The following ZFHX3 variants were observed in gnomAD, a reference collection of about 807,000 sequenced individuals.
The protein encoded by ZFHX3 is zinc finger homeobox protein 3.
ZFHX3 carries 42 observed loss-of-function variants against 279.1 expected under a neutral mutation model. That is an observed-to-expected ratio of 0.15 (90% confidence interval 0.12 to 0.19). The LOEUF is 0.19. Ranked by LOEUF, ZFHX3 falls within the 10% of genes least tolerant of loss-of-function variation. The pLI is 1.00. For synonymous variants in ZFHX3, 2,293 were observed against 1,957.8 expected (o/e 1.17, Z -4.52); for missense variants, 4,981 against 4,754.0 (o/e 1.05, Z -1.40).
At position 73,614,137 on chromosome 16, in the gene ZFHX3, G is replaced by A. The variant is rs373219483; in HGVS notation, c.-1547+66043C>T. On this transcript the variant is annotated intron_variant, in intron 2 of 17. Transcript: ENST00000641206. ...GAAGCATTCTTCCTGACAAAAGAAAGGAAAAAGAATAGGTGTGAACAGAGG... is the reference window on the plus strand; with the variant it reads ...GAAGCATTCTTCCTGACAAAAGAAAAGAAAAAGAATAGGTGTGAACAGAGG... Among the ~76,000 whole-genome samples, 5 of 152,284 alleles carry A rather than the reference G, an allele frequency of 3.3e-5. No homozygotes were observed. The East Asian group carries it at 9.7e-4, about 29-fold the overall frequency.
At chr16:73,097,993 G>C (rs1473822003) in intron 7 of ZFHX3, among the ~76,000 whole-genome samples, 1 of 151,722 alleles carries the variant, frequency 6.6e-6, no homozygotes, top group East Asian at 1.9e-4. Context: ...TGGACGCTTG[G>C]GTTGTTAGTC....
At chr16:73,007,640 G>A (rs1963759230) in intron 1 of ZFHX3, among the ~76,000 whole-genome samples, 1 of 152,000 alleles carries the variant, frequency 6.6e-6, no homozygotes, top group Non-Finnish European at 1.5e-5. Context: ...TAGAGACTGG[G>A]TTTCACTATG....
chr16:73,524,114 A>G (rs1013228623), intron 2 of ZFHX3, among the ~76,000 whole-genome samples: 4 of 152,208 alleles, frequency 2.6e-5, no homozygotes, highest in African/African-American at 9.6e-5. Context: ...GGTGATTTAA[A>G]TAGAGTAATT....
intron 3 of ZFHX3, among the ~76,000 whole-genome samples, chr16:72,909,058 C>A (rs908831757): frequency 1.3e-5 from 2 of 152,180 alleles, no homozygotes; most frequent in African/African-American, 4.8e-5. Context: ...AGGGCCATTG[C>A]ATTCAACATC....
At position 73,416,245 on chromosome 16, in the gene ZFHX3, C is replaced by T. The variant is rs377411546; in HGVS notation, c.-1291+39758G>A. ...GAGCACAGACTGGGATCACTGTAGGCATTTTTATTCCTTTGCTTGTCTTCT... is the reference window on the plus strand; with the variant it reads ...GAGCACAGACTGGGATCACTGTAGGTATTTTTATTCCTTTGCTTGTCTTCT... On this transcript the variant is annotated intron_variant, in intron 3 of 17. Transcript: ENST00000641206. 2.0e-5 allele frequency among the ~76,000 whole-genome samples: 3 copies of T among 152,132 alleles called. No individual in the cohort carries two copies. The East Asian group carries it at 5.8e-4, about 29-fold the overall frequency.
intron 1 of ZFHX3, among the ~76,000 whole-genome samples, chr16:72,966,206 G>A (rs945696697): frequency 6.6e-5 from 10 of 152,104 alleles, no homozygotes; most frequent in African/African-American, 1.9e-4. Context: ...CACTTGCAGA[G>A]CACACCAGAC....
chr16:73,257,122 T>C (rs2013682147), exon 5 of ZFHX3: 1 of 152,140 alleles, frequency 6.6e-6, no homozygotes, highest in Non-Finnish European at 1.5e-5. Context: ...ACGTCTGGGT[T>C]CCCCAAATCA....
rs376716790 is a variant in ZFHX3 at position 73,199,448 on chromosome 16, T to C, written c.-1103-55617A>G. Among the ~76,000 whole-genome samples, 64 of 152,332 alleles carry C rather than the reference T, an allele frequency of 4.2e-4. 3 individuals are homozygous for C. The highest frequency in any genetic ancestry group is 1.6e-3 in the Admixed American group (25 of 15,304). On this transcript the variant is annotated intron_variant, in intron 5 of 17. Transcript: ENST00000641206. Reference sequence around the variant, plus strand: ...CCTCTTGTTTCCAAGGAAGCCGGTTTTATAGGAATGCATCAGAACATCTTC... The same window carrying C: ...CCTCTTGTTTCCAAGGAAGCCGGTTCTATAGGAATGCATCAGAACATCTTC...
chr16:73,073,582 T>A lies in ZFHX3; in HGVS notation c.-532-14570A>T, dbSNP rs562351551. 2.6e-5 allele frequency among the ~76,000 whole-genome samples: 4 copies of A among 152,326 alleles called. No homozygotes were observed. In the South Asian group the frequency reaches 8.3e-4, roughly 32 times the overall value. ...GGCACGATCTCAGCTCACTGCAACC[T>A]CCACCTCCTGGGTTCAAGTGATTCT... On this transcript the variant is annotated intron_variant, in intron 8 of 17. Transcript: ENST00000641206.
At chr16:72,894,754 A>G (rs974340897) in intron 3 of ZFHX3, among the ~76,000 whole-genome samples, 2 of 152,212 alleles carry the variant, frequency 1.3e-5, no homozygotes, top group African/African-American at 2.4e-5. Flanking sequence ...GGTGCACTCA[A>G]GAAAGGAGCT....
chr16:72,946,203 A>G (rs1960665874), intron 3 of ZFHX3, among the ~76,000 whole-genome samples: 1 of 152,192 alleles, frequency 6.6e-6, no homozygotes, highest in Admixed American at 6.5e-5. Flanking sequence ...GGCCATGTGC[A>G]TGAATCAATA....
chr16:73,282,283 G>T (rs1291773711), intron 4 of ZFHX3, among the ~76,000 whole-genome samples: 2 of 152,130 alleles, frequency 1.3e-5, no homozygotes, highest in African/African-American at 4.8e-5. Flanking sequence ...TCCTTTGCTG[G>T]TGACTTGCAT....
chr16:73,857,421 G>A (rs972402110), intron 1 of ZFHX3, among the ~76,000 whole-genome samples: 1 of 152,118 alleles, frequency 6.6e-6, no homozygotes, highest in African/African-American at 2.4e-5. Flanking sequence ...TGGTAGGAGG[G>A]ACACATCCCC....
intron 5 of ZFHX3, among the ~76,000 whole-genome samples, chr16:73,174,450 C>T (rs1476885256): frequency 2.6e-5 from 4 of 152,166 alleles, no homozygotes; most frequent in African/African-American, 9.7e-5. Context: ...CTCTCTCTTC[C>T]CTGTCTTTAG....
chr16:73,634,393 T>C (rs1253055344), intron 2 of ZFHX3, among the ~76,000 whole-genome samples: 2 of 147,862 alleles, frequency 1.4e-5, no homozygotes, highest in East Asian at 1.9e-4. Flanking sequence ...TGGGGAAATA[T>C]ATAGTCACGG....
At chr16:73,620,368 A>T (rs954990948) in intron 2 of ZFHX3, among the ~76,000 whole-genome samples, 1 of 152,176 alleles carries the variant, frequency 6.6e-6, no homozygotes, top group Non-Finnish European at 1.5e-5. Context: ...TAAATGGGGG[A>T]AAAAAACAAA....
At chr16:73,198,549 C>T (rs556652745) in intron 5 of ZFHX3, among the ~76,000 whole-genome samples, 2 of 152,100 alleles carry the variant, frequency 1.3e-5, no homozygotes, top group Admixed American at 6.5e-5. Context: ...GAAACAAAGG[C>T]CAGAAACTGC....
chr16:73,139,329 G>A (rs1020779776), intron 6 of ZFHX3, among the ~76,000 whole-genome samples: 35 of 152,050 alleles, frequency 2.3e-4, no homozygotes, highest in Non-Finnish European at 2.8e-4. Flanking sequence ...CCACTGGCAC[G>A]AAATAAAACA....
At chr16:73,772,685 A>G (rs983672843) in intron 1 of ZFHX3, among the ~76,000 whole-genome samples, 1 of 152,188 alleles carries the variant, frequency 6.6e-6, no homozygotes, top group Non-Finnish European at 1.5e-5. Context: ...GCACAACTGC[A>G]TCTCATCCTC....
Sources: gnomAD v4.1 joint callset for allele counts (sites outside exome capture counted in the v4.1 genomes callset) on GRCh38, gnomAD v4.1.1 for gene constraint, MANE v1.5 for transcripts, NCBI Gene and HGNC (gene_info 2026-07-23, HGNC 2026-07-21) for gene names.